Variants in UBE2E2 observed in about 807,000 individuals in gnomAD.
UBE2E2 encodes ubiquitin conjugating enzyme E2 E2.
UBE2E2 carries 6 observed loss-of-function variants against 24.7 expected under a neutral mutation model. That is an observed-to-expected ratio of 0.24 (90% confidence interval 0.13 to 0.48). UBE2E2 has a LOEUF of 0.48. Among genes scored for constraint, UBE2E2 ranks in the 20% least tolerant of loss-of-function variants. The pLI is 0.99. For synonymous variants in UBE2E2, 104 were observed against 83.6 expected (o/e 1.24, Z -1.33); for missense variants, 169 against 245.0 (o/e 0.69, Z 2.07).
At chr3:23,378,236 T>TAAAAAAAAGAA (rs1696572717) in intron 3 of UBE2E2, among the ~76,000 whole-genome samples, 1 of 118,064 alleles carries the variant, frequency 8.5e-6, no homozygotes, top group Non-Finnish European at 1.7e-5. Flanking sequence ...AAATAAGCAG[T>TAAAAAAAAGAA]AAAAAAAAAA....
rs1346088120 is a variant in UBE2E2, at chr3:23,439,736, T to C, written c.228-59872T>C. Among the ~76,000 whole-genome samples, 3 of 152,210 alleles carry C rather than the reference T, an allele frequency of 2.0e-5. No individual in the cohort carries two copies. In the East Asian group the frequency reaches 5.8e-4, roughly 29 times the overall value. On this transcript the variant is annotated intron_variant, in intron 3 of 5. Coordinates refer to ENST00000396703, the MANE Select transcript of UBE2E2 (RefSeq NM_152653.4). ...TTTAATGTGTTTATTTTTATTTTAA[T>C]GTATTTAAGTAGTTTAAACACTTTC...
intron 4 of UBE2E2, among the ~76,000 whole-genome samples, chr3:23,503,315 G>A (rs907939797): frequency 2.0e-5 from 3 of 151,610 alleles, no homozygotes; most frequent in Non-Finnish European, 1.5e-5. Flanking sequence ...TCAGCCTCCC[G>A]AGTAGCTGGG....
intron 3 of UBE2E2, among the ~76,000 whole-genome samples, chr3:23,267,617 A>G (rs1464461681): frequency 1.3e-5 from 2 of 152,018 alleles, no homozygotes; most frequent in Non-Finnish European, 2.9e-5. Flanking sequence ...GCCGAATTCT[A>G]CCAGAGGTAC....
chr3:23,337,030 T>A (rs1695229356), intron 3 of UBE2E2, among the ~76,000 whole-genome samples: 1 of 151,904 alleles, frequency 6.6e-6, no homozygotes, highest in Non-Finnish European at 1.5e-5. Flanking sequence ...TCCCAGCTAC[T>A]TGGGAGTCTT....
intron 4 of UBE2E2, among the ~76,000 whole-genome samples, chr3:23,517,463 C>T (rs781034006): frequency 3.3e-5 from 5 of 152,150 alleles, no homozygotes; most frequent in Non-Finnish European, 7.4e-5. Context: ...GTTGAAACAT[C>T]AGAAGCTCTC....
chr3:23,458,730 C>T (rs894780456), intron 3 of UBE2E2, among the ~76,000 whole-genome samples: 1 of 152,026 alleles, frequency 6.6e-6, no homozygotes, highest in African/African-American at 2.4e-5. Flanking sequence ...GATCACTGTT[C>T]ACAGATCTCA....
At position 23,468,623 on chromosome 3, in the gene UBE2E2, C is replaced by T. The variant is rs530599143; in HGVS notation, c.228-30985C>T. 9.2e-5 allele frequency among the ~76,000 whole-genome samples: 14 copies of T among 152,334 alleles called. No homozygotes were observed. In the South Asian group the frequency reaches 1.7e-3, roughly 18 times the overall value. On this transcript the variant is annotated intron_variant, in intron 3 of 5. Coordinates refer to ENST00000396703, the MANE Select transcript of UBE2E2 (RefSeq NM_152653.4). ...AGACCTAGATTCAAATTCTGTTTCT[C>T]TACTTGCATGACATTAGGCAAGTCA...
At chr3:23,230,621 C>A (rs1025775650) in intron 3 of UBE2E2, among the ~76,000 whole-genome samples, 3 of 151,804 alleles carry the variant, frequency 2.0e-5, no homozygotes, top group Non-Finnish European at 2.9e-5. Context: ...CCCGTCTCTA[C>A]TAAAAATACA....
At chr3:23,562,198 T>C (rs1267565698) in intron 5 of UBE2E2, among the ~76,000 whole-genome samples, 1 of 152,086 alleles carries the variant, frequency 6.6e-6, no homozygotes, top group Non-Finnish European at 1.5e-5. Flanking sequence ...TGATATTGGC[T>C]GTGGGTTTGT....
At chr3:23,294,900 T>A (rs1016987414) in intron 3 of UBE2E2, among the ~76,000 whole-genome samples, 22 of 152,076 alleles carry the variant, frequency 1.4e-4, no homozygotes, top group African/African-American at 5.1e-4. Context: ...TCTTCATCCT[T>A]AAAATTACTT....
intron 3 of UBE2E2, among the ~76,000 whole-genome samples, chr3:23,450,670 T>C (rs1196280314): frequency 2.0e-5 from 3 of 152,206 alleles, no homozygotes; most frequent in Non-Finnish European, 4.4e-5. Flanking sequence ...TTTAAAATTA[T>C]GAAGTATCTA....
Position 23,416,826 on chromosome 3 carries a change from T to C in UBE2E2, c.228-82782T>C, listed in dbSNP as rs183295697. On this transcript the variant is annotated intron_variant, in intron 3 of 5. Transcript: ENST00000396703. ...ATCAGCAGTCTCTGATATCTTTTCT[T>C]CTGCTTGATCAATTCGGCTATTGAT... Among the ~76,000 whole-genome samples, 41 of 152,282 alleles carry C rather than the reference T, an allele frequency of 2.7e-4. 1 individual carries two copies. The East Asian group carries it at 7.9e-3, about 29-fold the overall frequency.
At chr3:23,358,943 C>A (rs1169221785) in intron 3 of UBE2E2, among the ~76,000 whole-genome samples, 2 of 152,108 alleles carry the variant, frequency 1.3e-5, no homozygotes, top group Non-Finnish European at 2.9e-5. Flanking sequence ...GGGTACCTAG[C>A]CACAAAGTGT....
chr3:23,286,362 G>A (rs1025548073), intron 3 of UBE2E2, among the ~76,000 whole-genome samples: 2 of 152,132 alleles, frequency 1.3e-5, no homozygotes, highest in Admixed American at 6.5e-5. Context: ...TCAGTCTTCT[G>A]CATATGGACA....
At chr3:23,289,758 T>C (rs1351152351) in intron 3 of UBE2E2, among the ~76,000 whole-genome samples, 2 of 152,246 alleles carry the variant, frequency 1.3e-5, no homozygotes, top group Non-Finnish European at 2.9e-5. Context: ...TTAGTTGAAC[T>C]TAAGTTATGA....
chr3:23,290,778 C>T (rs566774945), intron 3 of UBE2E2, among the ~76,000 whole-genome samples: 2 of 150,230 alleles, frequency 1.3e-5, no homozygotes, highest in Admixed American at 6.7e-5. Flanking sequence ...TCTGGCCAGG[C>T]GTGGTGGCTC....
chr3:23,213,648 T>A (rs1313361357), intron 2 of UBE2E2, among the ~76,000 whole-genome samples: 1 of 152,178 alleles, frequency 6.6e-6, no homozygotes, highest in Non-Finnish European at 1.5e-5. Context: ...GTGATTTTTG[T>A]GTAAAATAAT....
rs535500865 is a variant in UBE2E2, at chr3:23,253,617, G to A, written c.227+36305G>A. Among the ~76,000 whole-genome samples, 11 of 152,192 alleles carry A rather than the reference G, an allele frequency of 7.2e-5. No individual in the cohort carries two copies. In the South Asian group the frequency reaches 2.3e-3, roughly 32 times the overall value. On this transcript the variant is annotated intron_variant, in intron 3 of 5. Transcript: ENST00000396703. The stretch of plus-strand genomic sequence containing the variant: ...TTTAATTCAGTAATTTCATATAAGG[G>A]GCTCTAGCTTATGGAAAATGATAAA...
At chr3:23,547,584 C>T (rs1695551377) in intron 5 of UBE2E2, among the ~76,000 whole-genome samples, 1 of 152,158 alleles carries the variant, frequency 6.6e-6, no homozygotes, top group Non-Finnish European at 1.5e-5. Flanking sequence ...TTGTCAGAAA[C>T]ACCTGTACCT....
Sources: allele counts gnomAD v4.1 joint callset (sites outside exome capture counted in the v4.1 genomes callset), GRCh38; gene constraint gnomAD v4.1.1; transcripts MANE v1.5; gene names NCBI Gene and HGNC (gene_info 2026-07-23, HGNC 2026-07-21).